The following PALM2AKAP2 variants were observed in gnomAD, a reference collection of about 807,000 sequenced individuals.
The protein encoded by PALM2AKAP2 is PALM2-AKAP2 fusion protein.
PALM2AKAP2 carries 37 observed loss-of-function variants against 71.5 expected under a neutral mutation model. That is an observed-to-expected ratio of 0.52 (90% CI 0.40 to 0.68). The LOEUF (loss-of-function observed/expected upper bound fraction) is 0.68. Ranked by LOEUF, PALM2AKAP2 falls within the 30% of genes least tolerant of loss-of-function variation. PALM2AKAP2 has a pLI of 0.00. For synonymous variants in PALM2AKAP2, 468 were observed against 478.8 expected, an observed-to-expected ratio of 0.98 and a Z score of 0.29; for missense variants, 1,224 against 1,191.8, an observed-to-expected ratio of 1.03 and a Z score of -0.40.
intron 3 of PALM2AKAP2, 139 bp downstream of exon 10, chr9:110,162,271 T>C: frequency 1.5e-6 from 2 of 1,324,214 alleles, no homozygotes; most frequent in South Asian, 2.5e-5. Context: ...TTTGTGCCTG[T>C]TCTGAAATAT....
intron 1 of PALM2AKAP2, among the ~76,000 whole-genome samples, chr9:109,672,565 T>C (rs560857659): frequency 6.6e-6 from 1 of 152,268 alleles, no homozygotes; most frequent in South Asian, 2.1e-4. Flanking sequence ...AAAGTTTTCT[T>C]TTTTTGTTGT....
chr9:110,116,409 T>TGTGCGC (rs900419044), intron 1 of PALM2AKAP2, among the ~76,000 whole-genome samples: 1 of 152,086 alleles, frequency 6.6e-6, no homozygotes, highest in East Asian at 1.9e-4. Flanking sequence ...TGCGTGTGCG[T>TGTGCGC]GTGCGCGTGC....
chr9:109,749,451 T>A (rs1828852977), intron 1 of PALM2AKAP2, among the ~76,000 whole-genome samples: 1 of 151,982 alleles, frequency 6.6e-6, no homozygotes, highest in African/African-American at 2.4e-5. Flanking sequence ...TTTTCTCATC[T>A]GGGGCTGATT....
intron 3 of PALM2AKAP2, among the ~76,000 whole-genome samples, chr9:109,900,431 A>G (rs912473562): frequency 6.6e-6 from 1 of 152,234 alleles, no homozygotes; most frequent in Non-Finnish European, 1.5e-5. Context: ...CTGACAGTCT[A>G]GGCACCCAAT....
At chr9:109,857,000 G>A (rs1253232141) in intron 1 of PALM2AKAP2, among the ~76,000 whole-genome samples, 1 of 152,076 alleles carries the variant, frequency 6.6e-6, no homozygotes, top group Non-Finnish European at 1.5e-5. Flanking sequence ...TGTGGCCTGC[G>A]GTGCTGAGAA....
chr9:110,087,215 C>A (rs576676735), intron 1 of PALM2AKAP2, among the ~76,000 whole-genome samples: 1 of 152,318 alleles, frequency 6.6e-6, no homozygotes, highest in South Asian at 2.1e-4. Flanking sequence ...CTTTGTTGAT[C>A]ACCCCAGGAG....
chr9:109,925,025 G>A (rs375943144), intron 4 of PALM2AKAP2, 36 bp from the exon 5 acceptor site: 4 of 1,613,910 alleles, frequency 2.5e-6, no homozygotes, highest in Admixed American at 1.7e-5. Flanking sequence ...ACCCCCACAT[G>A]TAGAGTAACG....
At chr9:109,766,764 A>G (rs547932329) in intron 1 of PALM2AKAP2, among the ~76,000 whole-genome samples, 4 of 152,326 alleles carry the variant, frequency 2.6e-5, no homozygotes. Flanking sequence ...ATAAAAGCCA[A>G]CACAGACCTT....
chr9:109,965,745 TA>T, intron 6 of PALM2AKAP2, among the ~76,000 whole-genome samples: 1 of 151,884 alleles, frequency 6.6e-6, no homozygotes, highest in African/African-American at 2.4e-5. Flanking sequence ...TTTACCACAA[TA>T]AAAAAATAAA....
At chr9:110,148,826 A>G (rs1264259946) in intron 2 of PALM2AKAP2, 1 of 152,166 alleles carries the variant, frequency 6.6e-6, no homozygotes, top group Non-Finnish European at 1.5e-5. Flanking sequence ...TCATGCATAG[A>G]GAGAGTAATA....
At chr9:109,932,148 C>T in intron 6 of PALM2AKAP2, 120 bp downstream of exon 6, 1 of 1,097,046 alleles carries the variant, frequency 9.1e-7, no homozygotes, top group Non-Finnish European at 1.2e-6. Context: ...TTCAGCCCAG[C>T]CTCAGATGCA....
chr9:110,134,009 A>G (rs1835791578), intron 1 of PALM2AKAP2, among the ~76,000 whole-genome samples: 1 of 152,248 alleles, frequency 6.6e-6, no homozygotes, highest in East Asian at 1.9e-4. Context: ...AGGGCTGGCC[A>G]TGCAGGGTGG....
At chr9:109,978,220 A>G (rs1459065763) in intron 6 of PALM2AKAP2, among the ~76,000 whole-genome samples, 1 of 152,164 alleles carries the variant, frequency 6.6e-6, no homozygotes, top group Non-Finnish European at 1.5e-5. Context: ...CCTGGAACTC[A>G]CAGTCTAGAA....
intron 7 of PALM2AKAP2, among the ~76,000 whole-genome samples, chr9:110,035,225 T>A (rs948749049): frequency 1.4e-5 from 2 of 141,760 alleles, no homozygotes; most frequent in Admixed American, 7.7e-5. Context: ...ATATAAAAAA[T>A]ATATATAATA....
intron 1 of PALM2AKAP2, among the ~76,000 whole-genome samples, chr9:110,058,040 A>G (rs1338894835): frequency 1.3e-5 from 2 of 152,148 alleles, no homozygotes; most frequent in Non-Finnish European, 2.9e-5. Flanking sequence ...ACGCTCTATA[A>G]CACACAGGAC....
chr9:109,924,685 A>G (rs1003427680), intron 4 of PALM2AKAP2, among the ~76,000 whole-genome samples: 1 of 152,178 alleles, frequency 6.6e-6, no homozygotes, highest in Non-Finnish European at 1.5e-5. Context: ...TAAAACCAGT[A>G]GGCTCTGAAC....
chr9:109,750,604 G>GTGTGTA (rs1554710719), intron 1 of PALM2AKAP2, among the ~76,000 whole-genome samples: 2 of 151,102 alleles, frequency 1.3e-5, no homozygotes, highest in Non-Finnish European at 1.5e-5. Context: ...GTGTGTGTAT[G>GTGTGTA]TGTGTGTGTC....
At chr9:109,791,138 T>A (rs1355656949) in intron 1 of PALM2AKAP2, among the ~76,000 whole-genome samples, 2 of 152,190 alleles carry the variant, frequency 1.3e-5, no homozygotes, top group African/African-American at 4.8e-5. Flanking sequence ...TTTCCAATCT[T>A]ACTGGTGACT....
At chr9:109,837,502 T>C (rs1190174221) in intron 1 of PALM2AKAP2, among the ~76,000 whole-genome samples, 3 of 152,174 alleles carry the variant, frequency 2.0e-5, no homozygotes, top group Non-Finnish European at 4.4e-5. Context: ...AACATCATAA[T>C]GACAGGATCA....
Sources: allele counts gnomAD v4.1 joint callset (sites outside exome capture counted in the v4.1 genomes callset), GRCh38; gene constraint gnomAD v4.1.1; transcripts MANE v1.5; gene names NCBI Gene and HGNC (gene_info 2026-07-23, HGNC 2026-07-21).